The following CACNG3 variants were observed in gnomAD, a reference collection of about 807,000 sequenced individuals.
The protein encoded by CACNG3 is voltage-dependent calcium channel gamma-3 subunit.
In CACNG3, 3 loss-of-function variants were observed where a neutral mutation model predicts 28.5. The observed-to-expected ratio is 0.11, with a 90% CI of 0.05 to 0.27. CACNG3 has a LOEUF of 0.27. CACNG3 is among the 10% of genes least tolerant of loss of function. The pLI, the probability that CACNG3 is intolerant of heterozygous loss-of-function variation, is 1.00. For missense variants in CACNG3, 236 were observed against 414.4 expected (o/e 0.57, Z 3.74); for synonymous variants, 174 against 162.2 (o/e 1.07, Z -0.55).
chr16:24,347,231 T>A (rs1567224401), intron 2 of CACNG3, among the ~76,000 whole-genome samples: 1 of 152,030 alleles, frequency 6.6e-6, no homozygotes, highest in Non-Finnish European at 1.5e-5. Flanking sequence ...GGTGGGAGGA[T>A]CATTTAAGCC....
At chr16:24,349,806 C>A (rs1020272062) in intron 2 of CACNG3, among the ~76,000 whole-genome samples, 2 of 152,132 alleles carry the variant, frequency 1.3e-5, no homozygotes. Flanking sequence ...CTTGGAAATG[C>A]AGCCCAGCAG....
chr16:24,332,116 C>G (rs1233109430), intron 1 of CACNG3, among the ~76,000 whole-genome samples: 1 of 152,172 alleles, frequency 6.6e-6, no homozygotes, highest in Non-Finnish European at 1.5e-5. Context: ...GTGCTGGAAA[C>G]AGTGCTTAAC....
chr16:24,257,102 CTG>C (rs1898469448), intron 1 of CACNG3, 137 bp downstream of exon 1: 1 of 645,718 alleles, frequency 1.5e-6, no homozygotes, highest in South Asian at 1.9e-5. Context: ...TGCCCAGACT[CTG>C]TTAACAGCAA....
chr16:24,282,154 G>A (rs961119935), intron 1 of CACNG3, among the ~76,000 whole-genome samples: 1 of 152,148 alleles, frequency 6.6e-6, no homozygotes, highest in African/African-American at 2.4e-5. Context: ...AGACCCGACC[G>A]GGAAGCACGA....
intron 1 of CACNG3, among the ~76,000 whole-genome samples, chr16:24,343,572 A>G (rs1428203771): frequency 1.3e-5 from 2 of 152,166 alleles, no homozygotes; most frequent in African/African-American, 4.8e-5. Flanking sequence ...GTTCATTGCC[A>G]ACATCAATAG....
chr16:24,292,450 C>A (rs1354532856), intron 1 of CACNG3, among the ~76,000 whole-genome samples: 1 of 152,168 alleles, frequency 6.6e-6, no homozygotes, highest in African/African-American at 2.4e-5. Context: ...ATAAAGACAG[C>A]CTAGTCTTCA....
intron 1 of CACNG3, among the ~76,000 whole-genome samples, chr16:24,334,204 C>T (rs778264656): frequency 6.6e-6 from 1 of 152,166 alleles, no homozygotes; most frequent in Non-Finnish European, 1.5e-5. Context: ...TTCCTGTTGG[C>T]CTCTGTTTTG....
chr16:24,290,371 A>G (rs967722406), intron 1 of CACNG3, among the ~76,000 whole-genome samples: 1 of 152,206 alleles, frequency 6.6e-6, no homozygotes, highest in Non-Finnish European at 1.5e-5. Context: ...GGTAGTTCAT[A>G]AGGTTGACCG....
Position 24,256,737 on chromosome 16 carries a change from A to G in CACNG3, c.-18A>G. On this transcript the variant is annotated 5_prime_UTR_variant, in exon 1 of 4. Transcript: ENST00000005284. This position sits in a 1 kb window ranked among gnomAD's most constrained non-coding sequence, Gnocchi z 4.6. ...CTCCCCCTCCAACCCCCAGCCGTCC[A>G]GAGTACCATGAAGAATTATGAGGAT... is the stretch of plus-strand genomic sequence containing the variant. 1.3e-6 allele frequency: 2 copies of G among 1,572,860 alleles called. No individual in the cohort carries two copies. The highest frequency in any genetic ancestry group is 1.8e-6 in the Non-Finnish European group (2 of 1,142,634).
intron 1 of CACNG3, among the ~76,000 whole-genome samples, chr16:24,287,832 G>A (rs530282665): frequency 3.9e-4 from 59 of 152,272 alleles, no homozygotes; most frequent in Non-Finnish European, 5.7e-4. Context: ...TTGAGGCCAG[G>A]TACAGTGGGC....
intron 3 of CACNG3, among the ~76,000 whole-genome samples, chr16:24,357,873 G>T (rs1900055392): frequency 6.6e-6 from 1 of 152,244 alleles, no homozygotes; most frequent in Admixed American, 6.5e-5. Flanking sequence ...AGGGAAGAGT[G>T]TGTCACCAGC....
chr16:24,356,455 A>G (rs1900034268), intron 3 of CACNG3, among the ~76,000 whole-genome samples: 1 of 152,214 alleles, frequency 6.6e-6, no homozygotes, highest in East Asian at 1.9e-4. Context: ...TAATCCCAGC[A>G]CTTTGGAAGG....
At position 24,284,338 on chromosome 16, in the gene CACNG3, G is replaced by A. The variant is rs559476483; in HGVS notation, c.211+27373G>A. On this transcript the variant is annotated intron_variant, in intron 1 of 3. Transcript: ENST00000005284. Reference sequence around the variant, plus strand: ...TTCATATAAAACCCTCTGGGCCTGGGGCCTTTTTGAAAGTAGTTCTTTGAC... The same window carrying A: ...TTCATATAAAACCCTCTGGGCCTGGAGCCTTTTTGAAAGTAGTTCTTTGAC... Among the ~76,000 whole-genome samples, 10 of 152,152 alleles carry A rather than the reference G, an allele frequency of 6.6e-5. No individual in the cohort carries two copies. The East Asian group carries it at 9.7e-4, about 15-fold the overall frequency.
chr16:24,347,497 A>G (rs1469559449), intron 2 of CACNG3, among the ~76,000 whole-genome samples: 1 of 152,214 alleles, frequency 6.6e-6, no homozygotes, highest in Non-Finnish European at 1.5e-5. Flanking sequence ...CTTGAATGCA[A>G]GTTTTCACTT....
intron 1 of CACNG3, among the ~76,000 whole-genome samples, chr16:24,288,665 C>T (rs2141354479): frequency 6.6e-6 from 1 of 152,308 alleles, no homozygotes; most frequent in African/African-American, 2.4e-5. Flanking sequence ...CTCATGGCCA[C>T]ACATACTGTC....
chr16:24,271,125 C>T (rs935141546), intron 1 of CACNG3, among the ~76,000 whole-genome samples: 12 of 152,200 alleles, frequency 7.9e-5, no homozygotes, highest in African/African-American at 2.7e-4. Flanking sequence ...CCAAGAATGG[C>T]TCTTGAATTC....
chr16:24,290,172 T>C (rs1040908003), intron 1 of CACNG3, among the ~76,000 whole-genome samples: 1 of 152,272 alleles, frequency 6.6e-6, no homozygotes, highest in Non-Finnish European at 1.5e-5. Flanking sequence ...ACCCATCTTT[T>C]ATTTATTTGT....
intron 1 of CACNG3, among the ~76,000 whole-genome samples, chr16:24,271,328 G>A (rs1179941655): frequency 6.6e-6 from 1 of 152,192 alleles, no homozygotes; most frequent in Non-Finnish European, 1.5e-5. Flanking sequence ...TTTCACTGAA[G>A]ACAAGTCCGT....
At chr16:24,269,008 C>G (rs1278771284) in intron 1 of CACNG3, among the ~76,000 whole-genome samples, 2 of 152,178 alleles carry the variant, frequency 1.3e-5, no homozygotes, top group Non-Finnish European at 2.9e-5. Context: ...CTTTGAAAGG[C>G]ACCAGACTTG....
Sources: gnomAD v4.1 joint callset for allele counts (sites outside exome capture counted in the v4.1 genomes callset) on GRCh38, gnomAD v4.1.1 for gene constraint, Gnocchi (gnomAD v3.1) non-coding constraint, MANE v1.5 for transcripts, NCBI Gene and HGNC (gene_info 2026-07-23, HGNC 2026-07-21) for gene names.